The following CEP70 variants were observed in gnomAD, a reference collection of about 807,000 sequenced individuals.
CEP70 encodes centrosomal protein of 70 kDa.
CEP70 carries 70 observed loss-of-function variants against 90.9 expected under a neutral mutation model. The ratio of observed to expected loss-of-function variants is 0.77; its 90% CI spans 0.64 to 0.94. CEP70 has a LOEUF of 0.94. Among genes scored for constraint, CEP70 ranks in the 40% least tolerant of loss-of-function variants. CEP70 has a pLI of 0.00. For missense variants in CEP70, 648 were observed against 669.0 expected (o/e 0.97, Z 0.35); for synonymous variants, 220 against 228.3 (o/e 0.96, Z 0.33).
In CEP70 at chr3:138,494,548, T is replaced by A. The variant is rs1420457705; in HGVS notation, c.*467A>T. ...CTTCCTCCTGCTTTGAAAGGGCAAC[T>A]GTCATGAGGGATATCTTAACAGAAT... On this transcript the variant is annotated 3_prime_UTR_variant, in exon 18 of 18. Coordinates refer to ENST00000264982, the MANE Select transcript of CEP70 (RefSeq NM_024491.4). 1.3e-5 allele frequency: 2 copies of A among 152,324 alleles called. No individual in the cohort carries two copies. Among genetic ancestry groups the A allele is most frequent in the Non-Finnish European group, 2.9e-5 (2 of 68,128 alleles). 9.4% of individuals were successfully genotyped at this position (152,324 alleles called of 1,614,324 possible).
intron 11 of CEP70, among the ~76,000 whole-genome samples, chr3:138,517,858 C>T (rs1468007388): frequency 1.3e-5 from 2 of 152,114 alleles, no homozygotes; most frequent in Non-Finnish European, 2.9e-5. Context: ...TGCAGCGCAC[C>T]GAGCGTGAGC....
intron 11 of CEP70, among the ~76,000 whole-genome samples, chr3:138,516,431 G>A (rs2036033568): frequency 6.6e-6 from 1 of 152,068 alleles, no homozygotes; most frequent in Non-Finnish European, 1.5e-5. Context: ...TGTTGCCCAG[G>A]CTGGAGTGCA....
chr3:138,576,800 A>C (rs2041556547), intron 2 of CEP70, among the ~76,000 whole-genome samples: 1 of 152,184 alleles, frequency 6.6e-6, no homozygotes, highest in African/African-American at 2.4e-5. Context: ...TAAGAAACTC[A>C]CTCAAAACCG....
chr3:138,575,419 T>G (rs1464419046), intron 2 of CEP70, among the ~76,000 whole-genome samples: 1 of 151,942 alleles, frequency 6.6e-6, no homozygotes, highest in East Asian at 1.9e-4. Flanking sequence ...TAAAAAGGAA[T>G]GAACAAAGCC....
chr3:138,579,840 G>A (rs563693161), intron 2 of CEP70, among the ~76,000 whole-genome samples: 9 of 151,992 alleles, frequency 5.9e-5, no homozygotes, highest in African/African-American at 2.2e-4. Context: ...AAAAGTAGAC[G>A]GAAGAGTAAA....
chr3:138,505,380 A>T lies in CEP70; in HGVS notation c.1136T>A (p.Phe379Tyr). ...ACAATCTTGAACAAGATCTTTATTAAAATTTTGGACTCCCCCTTTGGTCTG... is the reference window on the plus strand; with the variant it reads ...ACAATCTTGAACAAGATCTTTATTATAATTTTGGACTCCCCCTTTGGTCTG... ...YKQTKGGVQN[F>Y]NKDLVQDCGF... is the part of the protein sequence containing the mutation. Residue 379 changes from phenylalanine to tyrosine, a missense_variant, in exon 13 of 18, where the codon TTT becomes TAT. Physicochemically the swap from Phe to Tyr is conservative, Grantham distance 22. Coordinates refer to ENST00000264982, the MANE Select transcript of CEP70 (RefSeq NM_024491.4). 3.7e-6 allele frequency: 6 copies of T among 1,612,686 alleles called. No homozygotes were observed. Among genetic ancestry groups the T allele is most frequent in the Non-Finnish European group, 5.1e-6 (6 of 1,179,472 alleles).
intron 6 of CEP70, among the ~76,000 whole-genome samples, chr3:138,569,950 A>C (rs1300541653): frequency 6.6e-6 from 1 of 152,222 alleles, no homozygotes; most frequent in Non-Finnish European, 1.5e-5. Flanking sequence ...GCTGGATATG[A>C]GTCTGGAATT....
Position 138,537,399 on chromosome 3 carries a change from C to T in CEP70, c.466-52G>A, listed in dbSNP as rs978601413. 1.8e-5 allele frequency: 23 copies of T among 1,259,328 alleles called. 1 individual carries two copies. In the Admixed American group the frequency reaches 5.8e-4, roughly 32 times the overall value. The allele number at this position is 1,259,328 out of a possible 1,614,324, so 78.0% of individuals were successfully genotyped here. On this transcript the variant is annotated intron_variant, in intron 6 of 17. Coordinates refer to ENST00000264982, the MANE Select transcript of CEP70 (RefSeq NM_024491.4). Reference sequence around the variant, plus strand: ...TTATGATATGTACATCTAGGACATGCTATCCTAACAGTATTGTACACAAAG... The same window carrying T: ...TTATGATATGTACATCTAGGACATGTTATCCTAACAGTATTGTACACAAAG...
intron 7 of CEP70, among the ~76,000 whole-genome samples, chr3:138,535,055 A>C (rs1352851708): frequency 2.6e-5 from 4 of 152,190 alleles, no homozygotes; most frequent in Non-Finnish European, 5.9e-5. Context: ...TGCCACACAG[A>C]AAGTAGAACT....
intron 2 of CEP70, among the ~76,000 whole-genome samples, chr3:138,576,113 A>T (rs2041505757): frequency 1.3e-5 from 2 of 152,188 alleles, no homozygotes; most frequent in South Asian, 4.1e-4. Flanking sequence ...ATTAACCTTA[A>T]ATGTAAATGG....
intron 13 of CEP70, among the ~76,000 whole-genome samples, chr3:138,503,268 A>C (rs2034680016): frequency 6.6e-6 from 1 of 152,162 alleles, no homozygotes; most frequent in South Asian, 2.1e-4. Context: ...GGAATCATAT[A>C]AGTGGAATCT....
At chr3:138,495,166 C>T (rs945986962) in intron 17 of CEP70, 90 bp from the exon 18 acceptor site, 1 of 724,292 alleles carries the variant, frequency 1.4e-6, no homozygotes, top group Non-Finnish European at 2.4e-6. Flanking sequence ...AAAGGCAAAC[C>T]CCAAACATAA....
At chr3:138,500,964 TAA>T (rs879359645) in intron 13 of CEP70, 83 bp from the exon 14 acceptor site, 201 of 516,850 alleles carry the variant, frequency 3.9e-4, no homozygotes, top group Non-Finnish European at 5.4e-4. Context: ...AGTAAAATTA[TAA>T]GTTTTATATA....
chr3:138,571,474 A>T, intron 3 of CEP70, 118 bp from the exon 4 acceptor site: 1 of 695,726 alleles, frequency 1.4e-6, no homozygotes, highest in Non-Finnish European at 2.4e-6. Context: ...TTTAAGTATA[A>T]ATGTTTATGC....
chr3:138,592,563 G>C (rs1021062452), intron 1 of CEP70, among the ~76,000 whole-genome samples: 1 of 150,244 alleles, frequency 6.7e-6, no homozygotes, highest in Admixed American at 6.6e-5. Context: ...TAGGAGTCGG[G>C]GGGTAGGAGT....
chr3:138,500,441 T>C lies in CEP70; in HGVS notation c.1495A>G (p.Met499Val). Residue 499 changes from methionine (M) to valine (V), a missense_variant, in exon 15 of 18, where the codon ATG becomes GTG. Coordinates refer to ENST00000264982, the MANE Select transcript of CEP70 (RefSeq NM_024491.4). The part of the protein sequence containing the change: ...MNEVYTRLGE[M>V]NNAVRNLQEL... ...TGGAGGTTTCTCACAGCATTGTTCA[T>C]TTCTCCAAGCCTAGTATAAACTTCA... 1 of 1,605,232 alleles carries C rather than the reference T, an allele frequency of 6.2e-7. No individual in the cohort carries two copies. The highest frequency in any genetic ancestry group is 8.5e-7 in the Non-Finnish European group (1 of 1,177,894).
chr3:138,545,336 G>A (rs1430337669), intron 6 of CEP70, among the ~76,000 whole-genome samples: 1 of 152,100 alleles, frequency 6.6e-6, no homozygotes, highest in Non-Finnish European at 1.5e-5. Flanking sequence ...AACATAAATT[G>A]TGAAGATTTC....
chr3:138,511,216 A>G (rs2035508475), intron 11 of CEP70, among the ~76,000 whole-genome samples: 2 of 152,058 alleles, frequency 1.3e-5, no homozygotes, highest in South Asian at 4.1e-4. Flanking sequence ...ACTTGATTCT[A>G]CTACTTCCCT....
At chr3:138,496,457 A>T (rs189051461) in intron 17 of CEP70, 1 of 985,438 alleles carries the variant, frequency 1.0e-6, no homozygotes, top group African/African-American at 1.7e-5. Context: ...AAGGTACAAG[A>T]TCAAGGTATT....
Sources: gnomAD v4.1 joint callset for allele counts (sites outside exome capture counted in the v4.1 genomes callset) on GRCh38, gnomAD v4.1.1 for gene constraint, MANE v1.5 for transcripts, NCBI Gene and HGNC (gene_info 2026-07-23, HGNC 2026-07-21) for gene names.